KLHL25: variants seen among roughly 807,000 people sequenced by gnomAD.
KLHL25 encodes kelch-like protein 25.
A neutral mutation model predicts 30.0 loss-of-function variants in KLHL25; 41 were observed. The ratio of observed to expected loss-of-function variants is 1.37; its 90% CI spans 1.07 to 1.78. The LOEUF (loss-of-function observed/expected upper bound fraction) is 1.78, where lower values mean the gene tolerates loss of function less well. Among genes scored for constraint, KLHL25 ranks in the 40% most tolerant of loss-of-function variants. The pLI, the probability that KLHL25 is intolerant of heterozygous loss-of-function variation, is 0.00. For synonymous variants in KLHL25, 399 were observed against 355.3 expected (o/e 1.12, Z -1.38); for missense variants, 971 against 824.5 (o/e 1.18, Z -2.18).
intron 1 of KLHL25, among the ~76,000 whole-genome samples, chr15:85,790,524 T>C (rs72753608): frequency 0.1 from 15,282 of 152,224 alleles, 920 homozygotes; most frequent in East Asian, 0.21. Context: ...TGAAATTTTA[T>C]AGCAAAACAT....
rs2089639089 is a variant in KLHL25, at chr15:85,768,374, G to C, written c.1437C>G (p.Pro479=). ...ENRWTIKAEC[P]QPWRYTAAAV... ...CAGCGGCTGTGTACCGCCAAGGCTG[G>C]GGGCACTCGGCCTTGATCGTCCACC... The change falls in exon 2 of 3, where the codon CCC becomes CCG. Residue 479 remains proline, a synonymous_variant. Transcript: ENST00000337975. 6.2e-7 allele frequency: 1 copy of C among 1,613,758 alleles called. No individual in the cohort carries two copies. Among genetic ancestry groups the C allele is most frequent in the Non-Finnish European group, 8.5e-7 (1 of 1,180,026 alleles).
At position 85,769,214 on chromosome 15, in the gene KLHL25, A is replaced by G. The variant is rs565225253; in HGVS notation, c.597T>C (p.Ser199=). Residue 199 remains serine (S), a synonymous_variant, in exon 2 of 3, where the codon AGT becomes AGC. Transcript: ENST00000337975. ...SKDTLLDLIS[S]DELETEDERV... ...GCTCGTCCTCGGTCTCCAGCTCATC[A>G]CTCGAGATGAGGTCCAGCAGTGTGT... 9.3e-5 allele frequency: 150 copies of G among 1,613,562 alleles called. No homozygotes were observed. Among genetic ancestry groups the G allele is most frequent in the Non-Finnish European group, 1.2e-4 (146 of 1,179,996 alleles).
intron 1 of KLHL25, among the ~76,000 whole-genome samples, chr15:85,773,526 G>A (rs771999799): frequency 1.2e-4 from 19 of 152,232 alleles, no homozygotes; most frequent in African/African-American, 2.4e-4. Context: ...GTGGCATCCC[G>A]GGGTGGGCAC....
intron 1 of KLHL25, among the ~76,000 whole-genome samples, chr15:85,778,254 C>T (rs955392142): frequency 3.3e-5 from 5 of 152,224 alleles, no homozygotes; most frequent in Admixed American, 1.3e-4. Flanking sequence ...TGGAAAGACA[C>T]ACAGCACTTC....
In KLHL25 at chr15:85,789,343, T is replaced by C. The variant is rs1225263835; in HGVS notation, c.-11+5423A>G. Among the ~76,000 whole-genome samples the C allele has an allele frequency of 2.6e-5, 4 of 151,222 alleles. No homozygotes were observed. Among genetic ancestry groups the C allele is most frequent in the Non-Finnish European group, 4.4e-5 (3 of 67,902 alleles). On this transcript the variant is annotated intron_variant, in intron 1 of 2. Transcript: ENST00000337975. This position sits in a 1 kb window ranked among gnomAD's most constrained non-coding sequence, Gnocchi z 4.1. ...CCATCCAACTGGTCTTGCAGGCTGG[T>C]GCTCAGTCGCCTCCTCCTGCCCTGC...
chr15:85,770,444 G>T, intron 1 of KLHL25: 1 of 522,150 alleles, frequency 1.9e-6, no homozygotes, highest in Non-Finnish European at 3.9e-6. Flanking sequence ...GCTCTGCCCT[G>T]GGCCGGGCTC....
chr15:85,793,660 G>A (rs550757847), intron 1 of KLHL25, among the ~76,000 whole-genome samples: 24 of 152,302 alleles, frequency 1.6e-4, no homozygotes, highest in Non-Finnish European at 2.6e-4. Context: ...GATACAGACC[G>A]TGGAATCCTG....
chr15:85,777,695 G>C (rs150609784), intron 1 of KLHL25, among the ~76,000 whole-genome samples: 1 of 152,326 alleles, frequency 6.6e-6, no homozygotes, highest in East Asian at 1.9e-4. Flanking sequence ...CAAGTTGAGA[G>C]GGACGCCTTC....
chr15:85,791,688 C>T lies in KLHL25; in HGVS notation c.-11+3078G>A, dbSNP rs145037666. On this transcript the variant is annotated intron_variant, in intron 1 of 2. Transcript: ENST00000337975. Reference sequence around the variant, plus strand: ...CAGCTGCAGAGCAACAAGCACCCAACCTCAATTCTGCACCCAGGGAACAAA... The same window carrying T: ...CAGCTGCAGAGCAACAAGCACCCAATCTCAATTCTGCACCCAGGGAACAAA... 4.6e-5 allele frequency among the ~76,000 whole-genome samples: 7 copies of T among 152,226 alleles called. No homozygotes were observed. In the East Asian group the frequency reaches 1.4e-3, roughly 29 times the overall value.
At chr15:85,765,722 C>T (rs1011933548) in intron 2 of KLHL25, among the ~76,000 whole-genome samples, 1 of 150,666 alleles carries the variant, frequency 6.6e-6, no homozygotes, top group South Asian at 2.1e-4. Context: ...ATCCCAGCTA[C>T]TCAGGAGGCT....
chr15:85,783,428 A>G (rs961570721), intron 1 of KLHL25, among the ~76,000 whole-genome samples: 3 of 151,910 alleles, frequency 2.0e-5, no homozygotes, highest in African/African-American at 4.8e-5. Context: ...GTGATGGTTC[A>G]TGCCTATAAT....
At chr15:85,775,278 G>A (rs762105463) in intron 1 of KLHL25, among the ~76,000 whole-genome samples, 1 of 152,140 alleles carries the variant, frequency 6.6e-6, no homozygotes, top group Non-Finnish European at 1.5e-5. Flanking sequence ...CCTGGCTTTT[G>A]GGCTTTTTGA....
At chr15:85,773,824 G>T (rs1055762884) in intron 1 of KLHL25, among the ~76,000 whole-genome samples, 1 of 152,096 alleles carries the variant, frequency 6.6e-6, no homozygotes, top group African/African-American at 2.4e-5. Flanking sequence ...GGGCCAAGTG[G>T]AGCCCTGTGG....
At chr15:85,775,042 A>C (rs2089701035) in intron 1 of KLHL25, among the ~76,000 whole-genome samples, 1 of 151,876 alleles carries the variant, frequency 6.6e-6, no homozygotes, top group African/African-American at 2.4e-5. Context: ...ACACCCGGCT[A>C]ATTTTTGTAT....
intron 1 of KLHL25, among the ~76,000 whole-genome samples, chr15:85,788,056 C>CAAAAAA (rs60547525): frequency 2.4e-4 from 14 of 58,284 alleles, no homozygotes; most frequent in East Asian, 4.7e-4. Context: ...AACTAGATCT[C>CAAAAAA]AAAAAAAAAA....
intron 1 of KLHL25, among the ~76,000 whole-genome samples, chr15:85,794,395 GTC>G (rs1455049879): frequency 1.3e-5 from 2 of 152,276 alleles, no homozygotes; most frequent in Non-Finnish European, 2.9e-5. Context: ...AAGACAAGCA[GTC>G]TCTCTTTCCA....
In KLHL25 at chr15:85,769,078, AG is replaced by A; in HGVS notation, c.732del (p.Cys245AlafsTer100). ...TCGCTGGAGACGGCCTCCTGCAGGC[AG>A]TCGGACGGCAGCAAGGCCAGACGCA... is the stretch of plus-strand genomic sequence containing the variant. The part of the protein sequence containing the change: ...RSVRLALLPS[D>X]CLQEAVSSEA... On this transcript the variant is annotated frameshift_variant, in exon 2 of 3. Transcript: ENST00000337975. LOFTEE classifies it high-confidence loss of function. 6.2e-7 allele frequency: 1 copy of A among 1,606,710 alleles called. No individual in the cohort carries two copies. Among genetic ancestry groups the A allele is most frequent in the Non-Finnish European group, 8.5e-7 (1 of 1,175,458 alleles).
chr15:85,776,121 C>A (rs1282940263), intron 1 of KLHL25, among the ~76,000 whole-genome samples: 1 of 150,530 alleles, frequency 6.6e-6, no homozygotes, highest in Non-Finnish European at 1.5e-5. Context: ...TGCAGTGGGC[C>A]GAGATCACGC....
Position 85,769,207 on chromosome 15 carries a change from G to T in KLHL25, c.604C>A (p.Leu202Met). ...TLLDLISSDE[L>M]ETEDERVVFE... The stretch of plus-strand genomic sequence containing the variant: ...ACCACCCGCTCGTCCTCGGTCTCCA[G>T]CTCATCACTCGAGATGAGGTCCAGC... Residue 202 changes from leucine (L) to methionine (M), a missense_variant, in exon 2 of 3, where the codon CTG (leucine) becomes ATG (methionine). Physicochemically the swap from Leu to Met is conservative, Grantham distance 15. Coordinates refer to ENST00000337975, the MANE Select transcript of KLHL25 (RefSeq NM_022480.4). 1 of 1,613,726 alleles carries T rather than the reference G, an allele frequency of 6.2e-7. No individual in the cohort carries two copies. The highest frequency in any genetic ancestry group is 8.5e-7 in the Non-Finnish European group (1 of 1,180,034).
Sources: gnomAD v4.1 joint callset for allele counts (sites outside exome capture counted in the v4.1 genomes callset) on GRCh38, gnomAD v4.1.1 for gene constraint, Gnocchi (gnomAD v3.1) non-coding constraint, MANE v1.5 for transcripts, NCBI Gene and HGNC (gene_info 2026-07-23, HGNC 2026-07-21) for gene names.